The following NAALADL2 variants were observed in gnomAD, a reference collection of about 807,000 sequenced individuals.
NAALADL2 encodes the protein N-acetylated alpha-linked acidic dipeptidase like 2.
NAALADL2 carries 76 observed loss-of-function variants against 87.2 expected under a neutral mutation model. The ratio of observed to expected loss-of-function variants is 0.87; its 90% CI spans 0.72 to 1.05. NAALADL2 has a LOEUF of 1.05. NAALADL2 is among the 50% of genes least tolerant of loss of function. NAALADL2 has a pLI of 0.00. For missense variants in NAALADL2, 1,089 were observed against 945.8 expected (o/e 1.15, Z -1.99); for synonymous variants, 354 against 331.0 (o/e 1.07, Z -0.75).
At chr3:175,788,210 T>C (rs3120000) in intron 13 of NAALADL2, among the ~76,000 whole-genome samples, 64,450 of 150,968 alleles carry the variant, frequency 0.43, 17,973 homozygotes, top group African/African-American at 0.8. Context: ...CCTCCCAACT[T>C]AGCCCCCAAG....
intron 3 of NAALADL2, among the ~76,000 whole-genome samples, chr3:174,751,988 A>AT (rs1433282444): frequency 2.0e-5 from 3 of 150,770 alleles, no homozygotes; most frequent in Admixed American, 6.6e-5. Context: ...TTTTCTTTTT[A>AT]TTTTTTTTAG....
rs1738343076 is a variant in NAALADL2, at chr3:175,698,359, G to GTATACATA, written c.1897-38946_1897-38945insATACATAT. Reference sequence around the variant, plus strand: ...TATATATGTATGTGTATTTATGTATGTGTATATATGTATGTGTATTTATGT... The same window carrying GTATACATA: ...TATATATGTATGTGTATTTATGTATGTATACATATGTATATATGTATGTGTATTTATGT... On this transcript the variant is annotated intron_variant, in intron 11 of 13. Transcript: ENST00000454872. 7.5e-5 allele frequency among the ~76,000 whole-genome samples: 9 copies of GTATACATA among 120,090 alleles called. 2 individuals are homozygous for GTATACATA. Among genetic ancestry groups the GTATACATA allele is most frequent in the Non-Finnish European group, 1.5e-4 (9 of 60,864 alleles). 78.8% of individuals were successfully genotyped at this position (120,090 alleles called of 152,430 possible). A position where few individuals can be genotyped will look rare whatever the true frequency, so the allele number is the denominator to read the frequency against.
rs929937597 is a variant in NAALADL2 at position 174,790,789 on chromosome 3, G to A, written c.-9+53043G>A. Among the ~76,000 whole-genome samples, 3 of 151,970 alleles carry A rather than the reference G, an allele frequency of 2.0e-5. No homozygotes were observed. In the East Asian group the frequency reaches 5.8e-4, roughly 29 times the overall value. On this transcript the variant is annotated intron_variant, in intron 3 of 3. Coordinates refer to the NAALADL2 transcript ENST00000434257. The stretch of plus-strand genomic sequence containing the variant: ...CCAATACAATAATATAAACCCAATT[G>A]ATAATCTAAAGAATGTTGATGATTT...
intron 11 of NAALADL2, 60 bp downstream of exon 11, chr3:175,627,446 T>C: frequency 9.0e-7 from 1 of 1,113,226 alleles, no homozygotes; most frequent in Non-Finnish European, 1.3e-6. Context: ...TATTGGTAGA[T>C]GGAGCAAAGG....
intron 5 of NAALADL2, among the ~76,000 whole-genome samples, chr3:175,326,133 T>A (rs961508515): frequency 6.6e-6 from 1 of 152,226 alleles, no homozygotes; most frequent in African/African-American, 2.4e-5. Context: ...CATAACTTCA[T>A]TTATTGTTTT....
Position 174,441,451 on chromosome 3 carries a change from C to T in NAALADL2, c.-184+419C>T, listed in dbSNP as rs374428075. Among the ~76,000 whole-genome samples the T allele has an allele frequency of 5.2e-4, 79 of 152,270 alleles. 1 individual carries two copies. The South Asian group carries it at 0.016, about 30-fold the overall frequency. ...TGCACGCCGGCCAGGCAGCCCGACA[C>T]GGCGCGCTAGCGGGGCGCAGGTAAA... On this transcript the variant is annotated intron_variant, in intron 1 of 3. Coordinates refer to the NAALADL2 transcript ENST00000434257.
chr3:174,694,415 C>T (rs536801), intron 2 of NAALADL2, among the ~76,000 whole-genome samples: 85,630 of 151,850 alleles, frequency 0.56, 24,637 homozygotes, highest in East Asian at 0.84. Flanking sequence ...TCTTTGCATA[C>T]CTATTATGTA....
At chr3:175,535,173 A>C (rs1205350797) in intron 9 of NAALADL2, among the ~76,000 whole-genome samples, 1 of 152,328 alleles carries the variant, frequency 6.6e-6, no homozygotes, top group Non-Finnish European at 1.5e-5. Flanking sequence ...AACAATGTCC[A>C]CTATTCCATA....
intron 4 of NAALADL2, among the ~76,000 whole-genome samples, chr3:175,316,597 G>C (rs993884181): frequency 3.3e-5 from 5 of 152,108 alleles, no homozygotes; most frequent in Non-Finnish European, 7.4e-5. Flanking sequence ...ACCCTAAGAG[G>C]TACTGAGCAG....
chr3:175,785,441 C>G (rs1232121630), intron 13 of NAALADL2, among the ~76,000 whole-genome samples: 2 of 125,046 alleles, frequency 1.6e-5, no homozygotes, highest in East Asian at 4.4e-4. Context: ...TTGAATTGAT[C>G]CCTTTACCAT....
intron 3 of NAALADL2, among the ~76,000 whole-genome samples, chr3:174,787,557 G>T (rs1479230291): frequency 7.0e-5 from 4 of 57,228 alleles, no homozygotes; most frequent in African/African-American, 2.6e-4. Flanking sequence ...TATTTTAATA[G>T]AAGAAGGCAA....
intron 2 of NAALADL2, among the ~76,000 whole-genome samples, chr3:174,703,521 G>A (rs1435027479): frequency 3.9e-5 from 6 of 152,066 alleles, no homozygotes; most frequent in Non-Finnish European, 8.8e-5. Context: ...CCACAGACAT[G>A]ATAATAAGTG....
intron 4 of NAALADL2, among the ~76,000 whole-genome samples, chr3:175,294,768 G>A (rs1472342658): frequency 1.3e-5 from 2 of 152,158 alleles, no homozygotes; most frequent in Non-Finnish European, 2.9e-5. Flanking sequence ...AACAAGGACC[G>A]CTGTGTCAAG....
chr3:175,766,950 A>G (rs1748776725), intron 13 of NAALADL2, among the ~76,000 whole-genome samples: 1 of 152,170 alleles, frequency 6.6e-6, no homozygotes, highest in Admixed American at 6.6e-5. Flanking sequence ...TATTGAGATG[A>G]AACACAAGGA....
At chr3:175,188,731 T>G (rs2109038095) in intron 2 of NAALADL2, among the ~76,000 whole-genome samples, 1 of 152,262 alleles carries the variant, frequency 6.6e-6, no homozygotes, top group South Asian at 2.1e-4. Context: ...GTACCATTCC[T>G]TGGTACTTAA....
Position 175,274,601 on chromosome 3 carries a change from T to C in NAALADL2, c.939+18071T>C, listed in dbSNP as rs567491344. 1.4e-3 allele frequency among the ~76,000 whole-genome samples: 220 copies of C among 152,306 alleles called. 2 individuals are homozygous for C. The highest frequency in any genetic ancestry group is 5.2e-3 in the African/African-American group (217 of 41,570). The stretch of plus-strand genomic sequence containing the variant: ...TAACCAGTGAGAAAAGGGAACCTAG[T>C]GCTCAATGGCTTGGGCTCTGGAGTC... On this transcript the variant is annotated intron_variant, in intron 4 of 13. Transcript: ENST00000454872.
intron 2 of NAALADL2, among the ~76,000 whole-genome samples, chr3:175,200,999 TC>T (rs2109148209): frequency 6.6e-6 from 1 of 152,280 alleles, no homozygotes; most frequent in East Asian, 1.9e-4. Flanking sequence ...TAGCACCTCT[TC>T]CATGGAAATC....
chr3:175,314,671 T>TATATAC (rs1758840756), intron 4 of NAALADL2, among the ~76,000 whole-genome samples: 3 of 376 alleles, frequency 8.0e-3, no homozygotes, highest in African/African-American at 0.045. Flanking sequence ...TCTAACTATA[T>TATATAC]ATATATATAT....
chr3:175,449,588 T>C (rs903382817), intron 6 of NAALADL2, among the ~76,000 whole-genome samples: 1 of 151,702 alleles, frequency 6.6e-6, no homozygotes, highest in Admixed American at 6.6e-5. Flanking sequence ...AGAGACGGGG[T>C]CTCACCATGT....
Sources: allele counts gnomAD v4.1 joint callset (sites outside exome capture counted in the v4.1 genomes callset), GRCh38; gene constraint gnomAD v4.1.1; transcripts MANE v1.5; gene names NCBI Gene and HGNC (gene_info 2026-07-23, HGNC 2026-07-21).